Variants in PLCB1 observed in about 807,000 individuals in gnomAD.
PLCB1 encodes the protein phospholipase C beta 1.
PLCB1 carries 46 observed loss-of-function variants against 161.8 expected under a neutral mutation model. That is an observed-to-expected ratio of 0.28 (90% CI 0.22 to 0.36). The LOEUF (loss-of-function observed/expected upper bound fraction) is 0.36. Ranked by LOEUF, PLCB1 falls within the 10% of genes least tolerant of loss-of-function variation. The probability of loss-of-function intolerance (pLI) is 1.00; values close to 1 mark genes in which losing one functional copy is unlikely to be tolerated. For missense variants in PLCB1, 1,016 were observed against 1,472.5 expected, an observed-to-expected ratio of 0.69 and a Z score of 5.07; for synonymous variants, 517 against 503.7, an observed-to-expected ratio of 1.03 and a Z score of -0.35.
intron 2 of PLCB1, among the ~76,000 whole-genome samples, chr20:8,189,561 C>T (rs1377956524): frequency 2.6e-5 from 4 of 151,912 alleles, no homozygotes; most frequent in African/African-American, 4.8e-5. Flanking sequence ...ATGTAGGCGG[C>T]GACACTTTTA....
chr20:8,547,613 C>G (rs1426344191), intron 3 of PLCB1, among the ~76,000 whole-genome samples: 1 of 152,066 alleles, frequency 6.6e-6, no homozygotes, highest in African/African-American at 2.4e-5. Context: ...ATTTTTGGAT[C>G]CATCCATTTT....
At chr20:8,653,499 A>C (rs896957094) in intron 7 of PLCB1, 31 of 151,928 alleles carry the variant, frequency 2.0e-4, no homozygotes, top group African/African-American at 6.8e-4. Flanking sequence ...TCAATGTTTT[A>C]TTTATAGTTT....
At chr20:8,763,043 A>G (rs897830735) in intron 25 of PLCB1, among the ~76,000 whole-genome samples, 1 of 152,200 alleles carries the variant, frequency 6.6e-6, no homozygotes, top group Non-Finnish European at 1.5e-5. Context: ...AGATACCATC[A>G]GTTGTAAAGC....
Position 8,686,708 on chromosome 20 carries a change from T to C in PLCB1, c.1009+1630T>C, listed in dbSNP as rs138777626. Reference sequence around the variant, plus strand: ...TTGAGAGACCAAATTGTCTCAACTTTGGTTAGTAGGAGACATTTTTAGGCT... The same window carrying C: ...TTGAGAGACCAAATTGTCTCAACTTCGGTTAGTAGGAGACATTTTTAGGCT... On this transcript the variant is annotated intron_variant, in intron 10 of 31. Coordinates refer to ENST00000338037, the MANE Select transcript of PLCB1 (RefSeq NM_015192.4). Among the ~76,000 whole-genome samples the C allele has an allele frequency of 2.8e-3, 433 of 152,314 alleles. 6 individuals are homozygous for C. Among genetic ancestry groups the C allele is most frequent in the African/African-American group, 9.7e-3 (405 of 41,576 alleles).
intron 12 of PLCB1, among the ~76,000 whole-genome samples, chr20:8,715,389 A>G (rs1979249928): frequency 6.6e-6 from 1 of 152,184 alleles, no homozygotes; most frequent in African/African-American, 2.4e-5. Flanking sequence ...ATCATCTTAC[A>G]TTTGCCCTGC....
intron 3 of PLCB1, among the ~76,000 whole-genome samples, chr20:8,612,195 A>G (rs1987924859): frequency 1.3e-5 from 2 of 152,174 alleles, no homozygotes; most frequent in Non-Finnish European, 2.9e-5. Context: ...GAAAATGGCA[A>G]TAAAGGCATA....
intron 9 of PLCB1, among the ~76,000 whole-genome samples, chr20:8,662,738 T>C (rs1989714038): frequency 6.6e-6 from 1 of 151,690 alleles, no homozygotes; most frequent in African/African-American, 2.4e-5. Context: ...AGGCAGAAGA[T>C]GCTTAGCAAA....
intron 4 of PLCB1, among the ~76,000 whole-genome samples, chr20:8,629,887 T>TCTC (rs1988501657): frequency 8.4e-6 from 1 of 119,086 alleles, no homozygotes; most frequent in African/African-American, 3.3e-5. Context: ...CTCTCTCTCT[T>TCTC]TCTTTTCTTT....
At chr20:8,259,521 T>C (rs1981591304) in intron 2 of PLCB1, among the ~76,000 whole-genome samples, 1 of 151,888 alleles carries the variant, frequency 6.6e-6, no homozygotes, top group Non-Finnish European at 1.5e-5. Flanking sequence ...GAGGCTGAGG[T>C]GGGAGGATCG....
At chr20:8,622,255 G>GC (rs1555777243) in intron 3 of PLCB1, among the ~76,000 whole-genome samples, 19,850 of 116,398 alleles carry the variant, frequency 0.17, 1,178 homozygotes, top group Non-Finnish European at 0.2. Context: ...TCTGCCTCAG[G>GC]AAAAAAAAAA....
At chr20:8,774,796 T>C in intron 27 of PLCB1, 77 bp downstream of exon 27, 1 of 1,253,776 alleles carries the variant, frequency 8.0e-7, no homozygotes, top group Non-Finnish European at 1.1e-6. Context: ...TTTGGATAAC[T>C]AAAAGGAGAC....
intron 3 of PLCB1, among the ~76,000 whole-genome samples, chr20:8,574,004 GACT>G (rs1986601396): frequency 6.6e-6 from 1 of 152,168 alleles, no homozygotes; most frequent in Non-Finnish European, 1.5e-5. Context: ...TGTTTTTAAA[GACT>G]ACTTTGTGTT....
chr20:8,542,059 T>C (rs1383627952), intron 3 of PLCB1, among the ~76,000 whole-genome samples: 1 of 152,234 alleles, frequency 6.6e-6, no homozygotes, highest in East Asian at 1.9e-4. Flanking sequence ...ATTCAGATGT[T>C]CATTCATTTA....
chr20:8,306,694 A>G lies in PLCB1; in HGVS notation c.178-64688A>G, dbSNP rs560821673. On this transcript the variant is annotated intron_variant, in intron 2 of 31. Coordinates refer to ENST00000338037, the MANE Select transcript of PLCB1 (RefSeq NM_015192.4). Reference sequence around the variant, plus strand: ...TGTTGTTTTAATATTGGTTATGAAAATATTGCAAAGTGAATGAAGAACTCT... The same window carrying G: ...TGTTGTTTTAATATTGGTTATGAAAGTATTGCAAAGTGAATGAAGAACTCT... 9.2e-5 allele frequency among the ~76,000 whole-genome samples: 14 copies of G among 152,356 alleles called. No individual in the cohort carries two copies. In the South Asian group the frequency reaches 2.7e-3, roughly 29 times the overall value.
chr20:8,591,690 T>G (rs1044747983), intron 3 of PLCB1, among the ~76,000 whole-genome samples: 9 of 152,234 alleles, frequency 5.9e-5, no homozygotes, highest in Non-Finnish European at 2.9e-5. Context: ...CGTGGGAATT[T>G]CCACCTGAGA....
intron 3 of PLCB1, among the ~76,000 whole-genome samples, chr20:8,498,885 T>A (rs1029525990): frequency 6.6e-6 from 1 of 152,160 alleles, no homozygotes; most frequent in African/African-American, 2.4e-5. Context: ...GATGGCTTAT[T>A]TCTGTGTCAC....
At chr20:8,387,526 A>G (rs1052936952) in intron 3 of PLCB1, among the ~76,000 whole-genome samples, 4 of 152,228 alleles carry the variant, frequency 2.6e-5, no homozygotes, top group Non-Finnish European at 4.4e-5. Context: ...ACAGATCACC[A>G]TAACAGATAT....
intron 2 of PLCB1, among the ~76,000 whole-genome samples, chr20:8,303,455 C>A (rs1392946189): frequency 2.6e-5 from 4 of 152,054 alleles, no homozygotes; most frequent in Non-Finnish European, 4.4e-5. Context: ...AATCATGGCC[C>A]CCTGTTAAAC....
chr20:8,214,375 A>T (rs946924178), intron 2 of PLCB1, among the ~76,000 whole-genome samples: 2 of 151,976 alleles, frequency 1.3e-5, no homozygotes, highest in Non-Finnish European at 2.9e-5. Context: ...CTGCCTATTT[A>T]AAAGTGTGGC....
Sources: allele counts gnomAD v4.1 joint callset (sites outside exome capture counted in the v4.1 genomes callset), GRCh38; gene constraint gnomAD v4.1.1; transcripts MANE v1.5; gene names NCBI Gene and HGNC (gene_info 2026-07-23, HGNC 2026-07-21).